CCDC172: variants seen among roughly 807,000 people sequenced by gnomAD.
CCDC172 encodes coiled-coil domain-containing protein 172.
CCDC172 carries 30 observed loss-of-function variants against 38.0 expected under a neutral mutation model. That is an observed-to-expected ratio of 0.79 (90% CI 0.59 to 1.07). The LOEUF (loss-of-function observed/expected upper bound fraction) is 1.07, where lower values mean the gene tolerates loss of function less well. Ranked by LOEUF, CCDC172 falls within the 50% of genes least tolerant of loss-of-function variation. The pLI is 0.00. For synonymous variants in CCDC172, 78 were observed against 88.3 expected, an observed-to-expected ratio of 0.88 and a Z score of 0.66; for missense variants, 297 against 290.1, an observed-to-expected ratio of 1.02 and a Z score of -0.17.
At chr10:116,326,345 C>T (rs562497362) in intron 3 of CCDC172, among the ~76,000 whole-genome samples, 93 of 152,100 alleles carry the variant, frequency 6.1e-4, no homozygotes, top group Non-Finnish European at 1.2e-3. Context: ...ATGAAGGCCT[C>T]GCTATGGGTG....
At chr10:116,374,969 C>G (rs997812476) in intron 7 of CCDC172, among the ~76,000 whole-genome samples, 10 of 150,596 alleles carry the variant, frequency 6.6e-5, no homozygotes, top group African/African-American at 2.4e-4. Flanking sequence ...TCCTTATCAA[C>G]ACCTGGTACT....
chr10:116,360,845 G>A (rs1462852595), intron 7 of CCDC172, among the ~76,000 whole-genome samples: 1 of 152,054 alleles, frequency 6.6e-6, no homozygotes, highest in Non-Finnish European at 1.5e-5. Flanking sequence ...AGTTAAGTTA[G>A]TCTAATACTG....
At chr10:116,369,262 A>G (rs1367111306) in intron 7 of CCDC172, among the ~76,000 whole-genome samples, 1 of 152,016 alleles carries the variant, frequency 6.6e-6, no homozygotes, top group Non-Finnish European at 1.5e-5. Flanking sequence ...TAAGTAAAAC[A>G]TCAATGTAAT....
At chr10:116,344,958 G>T (rs553069318) in intron 5 of CCDC172, among the ~76,000 whole-genome samples, 2 of 151,084 alleles carry the variant, frequency 1.3e-5, no homozygotes, top group Non-Finnish European at 2.9e-5. Context: ...TCTACATCTT[G>T]TCCCACTGGA....
chr10:116,371,563 T>C (rs1845185980), intron 7 of CCDC172, among the ~76,000 whole-genome samples: 1 of 152,064 alleles, frequency 6.6e-6, no homozygotes, highest in African/African-American at 2.4e-5. Context: ...GAAAAGAAAT[T>C]CACTGTTTTC....
At chr10:116,341,986 AT>A (rs773589618) in intron 4 of CCDC172, 49 bp from the exon 5 acceptor site, 1 of 1,218,882 alleles carries the variant, frequency 8.2e-7, no homozygotes, top group Non-Finnish European at 1.1e-6. Context: ...TTAAGGAAAA[AT>A]ATTATTGCAA....
chr10:116,335,146 A>G (rs1844712987), intron 3 of CCDC172, among the ~76,000 whole-genome samples: 1 of 152,002 alleles, frequency 6.6e-6, no homozygotes, highest in South Asian at 2.1e-4. Context: ...GGCTTGGGAA[A>G]GCCTGTCCCA....
At chr10:116,336,370 G>C (rs1389658235) in intron 3 of CCDC172, among the ~76,000 whole-genome samples, 2 of 103,480 alleles carry the variant, frequency 1.9e-5, no homozygotes, top group Non-Finnish European at 2.0e-5. Context: ...TGATAGGAGA[G>C]ATGGCTGGAG....
At chr10:116,352,056 AG>A (rs1243118589) in intron 5 of CCDC172, among the ~76,000 whole-genome samples, 1 of 152,218 alleles carries the variant, frequency 6.6e-6, no homozygotes, top group Non-Finnish European at 1.5e-5. Flanking sequence ...GGGAGCAATA[AG>A]GTGGACAATT....
chr10:116,345,001 A>G (rs1844848529), intron 5 of CCDC172, among the ~76,000 whole-genome samples: 2 of 152,102 alleles, frequency 1.3e-5, no homozygotes, highest in African/African-American at 4.8e-5. Flanking sequence ...ATCATCTTCT[A>G]TGAGAACAAT....
At chr10:116,326,346 G>C (rs894055623) in intron 3 of CCDC172, among the ~76,000 whole-genome samples, 4 of 152,154 alleles carry the variant, frequency 2.6e-5, no homozygotes, top group Admixed American at 1.3e-4. Context: ...TGAAGGCCTC[G>C]CTATGGGTGG....
chr10:116,339,467 G>T (rs974910521), intron 3 of CCDC172, among the ~76,000 whole-genome samples: 1 of 151,810 alleles, frequency 6.6e-6, no homozygotes, highest in African/African-American at 2.4e-5. Flanking sequence ...TTGGCCATAT[G>T]TTTTCTAATT....
chr10:116,346,335 T>C (rs1204537980), intron 5 of CCDC172, among the ~76,000 whole-genome samples: 1 of 150,390 alleles, frequency 6.6e-6, no homozygotes, highest in African/African-American at 2.4e-5. Flanking sequence ...TAAACAAAAT[T>C]GACATATCTA....
At chr10:116,344,339 G>C (rs910022241) in intron 5 of CCDC172, among the ~76,000 whole-genome samples, 13 of 152,188 alleles carry the variant, frequency 8.5e-5, no homozygotes, top group Non-Finnish European at 1.8e-4. Flanking sequence ...ATATGGTATA[G>C]CCTATTGCTC....
intron 5 of CCDC172, among the ~76,000 whole-genome samples, chr10:116,347,023 G>T (rs1844876246): frequency 6.6e-6 from 1 of 152,114 alleles, no homozygotes; most frequent in African/African-American, 2.4e-5. Context: ...TTCAGAGTGA[G>T]GTCTGAAGAA....
rs534184832 is a variant in CCDC172, at chr10:116,379,442, C to T, written c.*84C>T. The T allele has an allele frequency of 5.0e-5, 41 of 820,760 alleles. No homozygotes were observed. The highest frequency in any genetic ancestry group is 3.3e-4 in the African/African-American group (19 of 56,736). The allele number at this position is 820,760 out of a possible 1,614,324, so 50.8% of individuals were successfully genotyped here. A position where few individuals can be genotyped will look rare whatever the true frequency, so the allele number is the denominator to read the frequency against. ...TTGTGATAGATATATGAATGGTACC[C>T]GTTACAACGGATCCTTGTGGGAAAT... On this transcript the variant is annotated 3_prime_UTR_variant, in exon 9 of 9. Transcript: ENST00000333254.
chr10:116,333,919 G>A (rs1176654599), intron 3 of CCDC172, among the ~76,000 whole-genome samples: 1 of 152,186 alleles, frequency 6.6e-6, no homozygotes, highest in Non-Finnish European at 1.5e-5. Context: ...GTGATCTGAT[G>A]CTGATAGGAA....
rs925784672 is a variant in CCDC172, at chr10:116,357,478, A to T, written c.547A>T (p.Lys183Ter). 1 of 1,557,558 alleles carries T rather than the reference A, an allele frequency of 6.4e-7. No homozygotes were observed. Among genetic ancestry groups the T allele is most frequent in the Non-Finnish European group, 8.7e-7 (1 of 1,151,992 alleles). ...ATTATTTACTCTCCAAAGAAAACTT[A>T]AAGGTATTACCTTCATGAGTTAGCT... is the stretch of plus-strand genomic sequence containing the variant. ...QELFTLQRKL[K>*]VFEDEENESI... Residue 183 changes from lysine (K) to a stop codon, truncating the protein, a stop_gained, in exon 6 of 9, where the codon AAA becomes TAA. Transcript: ENST00000333254. LOFTEE classifies it high-confidence loss of function.
chr10:116,342,008 T>C (rs1425510738), intron 4 of CCDC172, 28 bp from the exon 5 acceptor site: 1 of 1,405,796 alleles, frequency 7.1e-7, no homozygotes, highest in Admixed American at 2.7e-5. Flanking sequence ...CTAACACCTA[T>C]ATTTGATCTT....
Sources: gnomAD v4.1 joint callset for allele counts (sites outside exome capture counted in the v4.1 genomes callset) on GRCh38, gnomAD v4.1.1 for gene constraint, MANE v1.5 for transcripts, NCBI Gene and HGNC (gene_info 2026-07-23, HGNC 2026-07-21) for gene names.